The following CORIN variants were observed in gnomAD, a reference collection of about 807,000 sequenced individuals.
The protein encoded by CORIN is corin, serine peptidase, also known as atrial natriuretic peptide-converting enzyme.
In CORIN, 117 loss-of-function variants were observed where a neutral mutation model predicts 125.3. The ratio of observed to expected loss-of-function variants is 0.93; its 90% confidence interval spans 0.80 to 1.09. The LOEUF is 1.09. Among genes scored for constraint, CORIN ranks in the 50% least tolerant of loss-of-function variants. CORIN has a pLI of 0.00. For missense variants in CORIN, 1,253 were observed against 1,306.7 expected (o/e 0.96, Z 0.63); for synonymous variants, 450 against 466.4 (o/e 0.96, Z 0.45).
At chr4:47,679,014 C>T (rs1051195671) in intron 8 of CORIN, among the ~76,000 whole-genome samples, 3 of 152,228 alleles carry the variant, frequency 2.0e-5, no homozygotes, top group Admixed American at 6.5e-5. Context: ...ATGTAATCCA[C>T]ATTTCTATTT....
chr4:47,648,849 G>A (rs967168779), intron 13 of CORIN, among the ~76,000 whole-genome samples: 1 of 152,182 alleles, frequency 6.6e-6, no homozygotes, highest in East Asian at 1.9e-4. Flanking sequence ...TCTGCCCCAG[G>A]AAGTGGCTGT....
chr4:47,660,126 A>G (rs1724178141), intron 12 of CORIN, among the ~76,000 whole-genome samples: 1 of 152,228 alleles, frequency 6.6e-6, no homozygotes, highest in African/African-American at 2.4e-5. Flanking sequence ...AGAAAACTGG[A>G]TATTCATATG....
intron 12 of CORIN, among the ~76,000 whole-genome samples, chr4:47,655,276 T>C (rs562137320): frequency 7.2e-5 from 11 of 152,266 alleles, no homozygotes; most frequent in African/African-American, 2.6e-4. Context: ...GAGAAACTCC[T>C]GCTTGAGAAC....
At chr4:47,721,365 GT>G (rs1289365291) in intron 5 of CORIN, among the ~76,000 whole-genome samples, 1 of 152,000 alleles carries the variant, frequency 6.6e-6, no homozygotes, top group Admixed American at 6.6e-5. Flanking sequence ...CACCTCCTGG[GT>G]TCAAGTGATT....
At chr4:47,690,472 T>A (rs1397820806) in intron 6 of CORIN, among the ~76,000 whole-genome samples, 1 of 152,214 alleles carries the variant, frequency 6.6e-6, no homozygotes, top group Non-Finnish European at 1.5e-5. Context: ...TTTTCTCCCT[T>A]CCTTTGAACC....
At chr4:47,774,695 C>G (rs1289430889) in intron 3 of CORIN, among the ~76,000 whole-genome samples, 3 of 152,118 alleles carry the variant, frequency 2.0e-5, no homozygotes, top group Admixed American at 6.5e-5. Flanking sequence ...TTTCTGAGTT[C>G]TTATCATGTG....
At chr4:47,647,599 A>G (rs1321421128) in intron 13 of CORIN, among the ~76,000 whole-genome samples, 8 of 152,216 alleles carry the variant, frequency 5.3e-5, no homozygotes, top group Non-Finnish European at 1.2e-4. Flanking sequence ...AATTCTTAAA[A>G]TAACACTATA....
intron 3 of CORIN, among the ~76,000 whole-genome samples, chr4:47,780,832 G>A (rs4591570): frequency 0.62 from 94,640 of 151,848 alleles, 30,421 homozygotes; most frequent in East Asian, 0.89. Flanking sequence ...TTAGAGTGCT[G>A]TAACTTTAAG....
Position 47,664,140 on chromosome 4 carries a change from GGGAAA to G in CORIN, c.1589+887_1589+891del, listed in dbSNP as rs1724368975. On this transcript the variant is annotated intron_variant, in intron 11 of 21. Coordinates refer to ENST00000273857, the MANE Select transcript of CORIN (RefSeq NM_006587.4). ...GCACATTTGTATACCTACCCCTTGA[GGGAAA>G]ACAGCACTGAAGAGAGTAGCAACTC... 2.0e-5 allele frequency among the ~76,000 whole-genome samples: 3 copies of G among 152,264 alleles called. No homozygotes were observed. In the South Asian group the frequency reaches 6.2e-4, roughly 32 times the overall value.
At chr4:47,816,898 C>T (rs950915658) in intron 1 of CORIN, among the ~76,000 whole-genome samples, 2 of 152,088 alleles carry the variant, frequency 1.3e-5, no homozygotes, top group Non-Finnish European at 2.9e-5. Context: ...ATAGCTCCTA[C>T]TTTATTTCCA....
At chr4:47,680,599 G>A in intron 7 of CORIN, 2 of 218,326 alleles carry the variant, frequency 9.2e-6, no homozygotes, top group Non-Finnish European at 1.8e-5. Flanking sequence ...TCAAAAAACA[G>A]AACTGTGATT....
chr4:47,762,316 A>C (rs985068532), intron 4 of CORIN, among the ~76,000 whole-genome samples: 6 of 152,182 alleles, frequency 3.9e-5, no homozygotes, highest in African/African-American at 1.4e-4. Context: ...ATTTAACATA[A>C]ATAGGAATTC....
At chr4:47,654,137 T>A (rs1219326622) in intron 12 of CORIN, among the ~76,000 whole-genome samples, 1 of 152,212 alleles carries the variant, frequency 6.6e-6, no homozygotes, top group Non-Finnish European at 1.5e-5. Context: ...GGATCACTAG[T>A]ATAAAAGCAT....
At chr4:47,678,666 T>A (rs1725130447) in intron 8 of CORIN, among the ~76,000 whole-genome samples, 2 of 152,256 alleles carry the variant, frequency 1.3e-5, no homozygotes, top group African/African-American at 4.8e-5. Context: ...AGGGATGGCC[T>A]AATATCCATT....
At chr4:47,650,013 C>T (rs1037273496) in intron 13 of CORIN, among the ~76,000 whole-genome samples, 2 of 152,176 alleles carry the variant, frequency 1.3e-5, no homozygotes, top group Non-Finnish European at 1.5e-5. Flanking sequence ...CATAGAAATG[C>T]TATCCAAGAA....
chr4:47,655,327 G>C (rs1463267588), intron 12 of CORIN, among the ~76,000 whole-genome samples: 1 of 152,150 alleles, frequency 6.6e-6, no homozygotes, highest in African/African-American at 2.4e-5. Context: ...TTGCAGCTTA[G>C]GTACCAGGCT....
intron 16 of CORIN, among the ~76,000 whole-genome samples, chr4:47,628,437 C>CGT (rs35452886): frequency 0.2 from 29,268 of 147,238 alleles, 3,055 homozygotes; most frequent in Non-Finnish European, 0.26. Context: ...CACATAGTTA[C>CGT]GTGTGTGTGT....
At chr4:47,770,439 T>C (rs2109884623) in intron 3 of CORIN, among the ~76,000 whole-genome samples, 2 of 152,292 alleles carry the variant, frequency 1.3e-5, no homozygotes, top group East Asian at 3.9e-4. Flanking sequence ...TGTAAATTAG[T>C]GTAGCCATTA....
intron 3 of CORIN, among the ~76,000 whole-genome samples, chr4:47,779,532 T>A (rs1730448462): frequency 6.6e-6 from 1 of 151,658 alleles, no homozygotes; most frequent in South Asian, 2.1e-4. Flanking sequence ...CGCCCCCAGG[T>A]TCAAGTGATT....
Sources: gnomAD v4.1 joint callset for allele counts (sites outside exome capture counted in the v4.1 genomes callset) on GRCh38, gnomAD v4.1.1 for gene constraint, MANE v1.5 for transcripts, NCBI Gene and HGNC (gene_info 2026-07-23, HGNC 2026-07-21) for gene names.